The following ABL1 variants were observed in gnomAD, a reference collection of about 807,000 sequenced individuals.
ABL1 encodes the protein ABL proto-oncogene 1, non-receptor tyrosine kinase, also known as tyrosine-protein kinase ABL1.
A neutral mutation model predicts 94.7 loss-of-function variants in ABL1; 11 were observed. The observed-to-expected ratio is 0.12, with a 90% CI of 0.07 to 0.19. The LOEUF (loss-of-function observed/expected upper bound fraction) is 0.19. Among genes scored for constraint, ABL1 ranks in the 10% least tolerant of loss-of-function variants. The pLI, the probability that ABL1 is intolerant of heterozygous loss-of-function variation, is 1.00. For missense variants in ABL1, 1,082 were observed against 1,489.4 expected, an observed-to-expected ratio of 0.73 and a Z score of 4.50; for synonymous variants, 656 against 622.4, an observed-to-expected ratio of 1.05 and a Z score of -0.80.
intron 1 of ABL1, among the ~76,000 whole-genome samples, chr9:130,770,350 T>C (rs2132766016): frequency 6.6e-6 from 1 of 152,054 alleles, no homozygotes; most frequent in South Asian, 2.1e-4. Flanking sequence ...CTACAAAAAA[T>C]TGAAAAATTA....
chr9:130,762,609 A>G (rs762526534), intron 1 of ABL1, among the ~76,000 whole-genome samples: 1 of 151,998 alleles, frequency 6.6e-6, no homozygotes, highest in Non-Finnish European at 1.5e-5. Flanking sequence ...GTTATTTTTC[A>G]TATGAAAACC....
exon 1 of ABL1, among the ~76,000 whole-genome samples, chr9:130,713,413 C>T (rs1476850648): frequency 1.3e-5 from 2 of 152,188 alleles, no homozygotes; most frequent in African/African-American, 2.4e-5. Flanking sequence ...TTGGGACACC[C>T]CGTTTTCTGA....
chr9:130,728,230 A>ATTTTTTTTTTTTTTTTTTTTT lies in ABL1; in HGVS notation c.136+13793_136+13794insTTTTTTTTTTTTTTTTTTTTT, dbSNP rs55915035. Among the ~76,000 whole-genome samples, 11 of 102,572 alleles carry ATTTTTTTTTTTTTTTTTTTTT rather than the reference A, an allele frequency of 1.1e-4. 1 individual carries two copies. The highest frequency in any genetic ancestry group is 3.7e-4 in the African/African-American group (7 of 19,036). The allele number at this position is 102,572 out of a possible 152,430, so 67.3% of individuals were successfully genotyped here. ...GGGCATGCGCCACCATGTCCAGCTG[A>ATTTTTTTTTTTTTTTTTTTTT]TTTTTTTTTTTTTTTTTTGTGGAGA... On this transcript the variant is annotated intron_variant, in intron 1 of 10. Transcript: ENST00000372348.
chr9:130,715,346 C>T (rs1226491458), intron 1 of ABL1, among the ~76,000 whole-genome samples: 1 of 152,184 alleles, frequency 6.6e-6, no homozygotes, highest in Non-Finnish European at 1.5e-5. Flanking sequence ...TTGAGCCCAC[C>T]TATCCTATAA....
chr9:130,794,612 G>T (rs996969540), intron 1 of ABL1, among the ~76,000 whole-genome samples: 5 of 152,136 alleles, frequency 3.3e-5, no homozygotes, highest in Non-Finnish European at 7.4e-5. Flanking sequence ...CAACTGCATT[G>T]TTTTGATTAC....
rs140792659 is a variant in ABL1, at chr9:130,820,717, A to G, written c.137-33347A>G. On this transcript the variant is annotated intron_variant, in intron 1 of 10. Transcript: ENST00000372348. Reference sequence around the variant, plus strand: ...TGCAGCTTGGAACTGAGCAGCCCTCACTGGGTGCATTTCTAATCCTTTGTC... The same window carrying G: ...TGCAGCTTGGAACTGAGCAGCCCTCGCTGGGTGCATTTCTAATCCTTTGTC... Among the ~76,000 whole-genome samples the G allele has an allele frequency of 3.3e-3, 509 of 152,300 alleles. 4 individuals are homozygous for G. Among genetic ancestry groups the G allele is most frequent in the Middle Eastern group, 6.8e-3 (2 of 294 alleles).
intron 1 of ABL1, among the ~76,000 whole-genome samples, chr9:130,828,520 A>G (rs1830456290): frequency 6.6e-6 from 1 of 152,198 alleles, no homozygotes; most frequent in Non-Finnish European, 1.5e-5. Flanking sequence ...TTTTACACCA[A>G]CCTAATAGAA....
chr9:130,830,247 A>G (rs767779966), intron 1 of ABL1, among the ~76,000 whole-genome samples: 8 of 152,192 alleles, frequency 5.3e-5, no homozygotes, highest in Non-Finnish European at 1.2e-4. Flanking sequence ...TTTTCTAGAA[A>G]GCGGATTTAC....
rs148337803 is a variant in ABL1, at chr9:130,885,262, C to T, written c.2972C>T (p.Ala991Val). 5.0e-6 allele frequency: 8 copies of T among 1,613,862 alleles called. No individual in the cohort carries two copies. Among genetic ancestry groups the T allele is most frequent in the Non-Finnish European group, 6.8e-6 (8 of 1,180,026 alleles). The change falls in exon 11 of 11, where the codon GCC becomes GTC. Residue 991 changes from alanine (A) to valine (V), a missense_variant. Transcript: ENST00000318560. ...TCCACGTTGCCATCAGCATCCTCGG[C>T]CCTGGCAGGGGACCAGCCGTCTTCC... The part of the protein sequence containing the change: ...VPSTLPSASS[A>V]LAGDQPSSTA...
intron 1 of ABL1, among the ~76,000 whole-genome samples, chr9:130,780,659 A>AT (rs1198024395): frequency 1.3e-5 from 2 of 152,080 alleles, no homozygotes; most frequent in East Asian, 1.9e-4. Context: ...TTTTATTTAG[A>AT]TAAAAAAAAG....
chr9:130,743,452 G>A (rs1022294352), intron 1 of ABL1, among the ~76,000 whole-genome samples: 3 of 152,120 alleles, frequency 2.0e-5, no homozygotes, highest in African/African-American at 7.2e-5. Context: ...TGGTATTCCT[G>A]GCTCTTTTGC....
At chr9:130,801,262 C>T (rs932883499) in intron 1 of ABL1, among the ~76,000 whole-genome samples, 1 of 151,558 alleles carries the variant, frequency 6.6e-6, no homozygotes, top group Non-Finnish European at 1.5e-5. Flanking sequence ...TAGGATCTTG[C>T]TCAATCATGC....
chr9:130,812,272 G>T (rs1830220241), intron 1 of ABL1, among the ~76,000 whole-genome samples: 1 of 150,580 alleles, frequency 6.6e-6, no homozygotes, highest in African/African-American at 2.4e-5. Context: ...ACGGTGGGAG[G>T]ATCACTTGAG....
chr9:130,846,961 A>G (rs141179426), intron 1 of ABL1, among the ~76,000 whole-genome samples: 1 of 152,302 alleles, frequency 6.6e-6, no homozygotes, highest in East Asian at 1.9e-4. Flanking sequence ...TCATGCACAG[A>G]TCCAGTGAAT....
Position 130,862,070 on chromosome 9 carries a change from G to A in ABL1, c.550-693G>A, listed in dbSNP as rs34509377. ...TTCCTTTTGCTTCCTCGTGTTGGAT[G>A]TGTTTAGTGGTTTTCATCTTCTGGT... On this transcript the variant is annotated intron_variant, in intron 3 of 10. Transcript: ENST00000318560. The surrounding 1 kb of genome is among the most constrained non-coding windows in gnomAD (Gnocchi z 5.5). Among the ~76,000 whole-genome samples the A allele has an allele frequency of 0.04, 6,166 of 152,276 alleles. 230 individuals carry two copies. Among genetic ancestry groups the A allele is most frequent in the Middle Eastern group, 0.095 (28 of 294 alleles).
At chr9:130,720,078 C>T (rs1831496487) in intron 1 of ABL1, among the ~76,000 whole-genome samples, 2 of 152,184 alleles carry the variant, frequency 1.3e-5, no homozygotes, top group South Asian at 4.1e-4. Context: ...GTGTTTCCTT[C>T]TTCCTTCAAC....
At chr9:130,846,085 G>C (rs911046008) in intron 1 of ABL1, among the ~76,000 whole-genome samples, 13 of 98,224 alleles carry the variant, frequency 1.3e-4, no homozygotes, top group African/African-American at 6.8e-4. Flanking sequence ...GTATGTCTGT[G>C]TGTGTGTGTG....
At chr9:130,866,668 A>G (rs377171092) in intron 4 of ABL1, among the ~76,000 whole-genome samples, 2 of 152,232 alleles carry the variant, frequency 1.3e-5, no homozygotes, top group East Asian at 3.8e-4. Context: ...GAGAACAGGA[A>G]AAAAGCAGGA....
intron 1 of ABL1, among the ~76,000 whole-genome samples, chr9:130,823,518 A>C (rs751411403): frequency 1.3e-4 from 20 of 152,176 alleles, no homozygotes; most frequent in Non-Finnish European, 1.5e-4. Context: ...CTGGAGGGGC[A>C]CGATGGCTCC....
Sources: gnomAD v4.1 joint callset for allele counts (sites outside exome capture counted in the v4.1 genomes callset) on GRCh38, gnomAD v4.1.1 for gene constraint, Gnocchi (gnomAD v3.1) non-coding constraint, MANE v1.5 for transcripts, NCBI Gene and HGNC (gene_info 2026-07-23, HGNC 2026-07-21) for gene names.